Variants in ARMC2 observed in about 807,000 individuals in gnomAD.
ARMC2 encodes armadillo repeat-containing protein 2.
ARMC2 carries 67 observed loss-of-function variants against 90.3 expected under a neutral mutation model. The observed-to-expected ratio is 0.74, with a 90% CI of 0.61 to 0.91. The LOEUF (loss-of-function observed/expected upper bound fraction) is 0.91, where lower values mean the gene tolerates loss of function less well. ARMC2 is among the 40% of genes least tolerant of loss of function. ARMC2 has a pLI of 0.00. For synonymous variants in ARMC2, 393 were observed against 393.0 expected (o/e 1.00, Z 0.00); for missense variants, 920 against 1,030.9 (o/e 0.89, Z 1.47).
the ARMC2 span, among the ~76,000 whole-genome samples, chr6:109,043,374 A>G: frequency 2.0e-5 from 3 of 152,146 alleles, no homozygotes; most frequent in African/African-American, 7.2e-5. Flanking sequence ...TAAAAGCCAT[A>G]CAGATAAAAA....
chr6:108,924,528 G>C (rs1774928545), intron 10 of ARMC2, among the ~76,000 whole-genome samples: 2 of 152,128 alleles, frequency 1.3e-5, no homozygotes, highest in Admixed American at 1.3e-4. Flanking sequence ...TGGCCCGGGG[G>C]AGAAGGGGTG....
At chr6:108,862,601 T>C (rs1234379603) in intron 3 of ARMC2, among the ~76,000 whole-genome samples, 1 of 152,110 alleles carries the variant, frequency 6.6e-6, no homozygotes, top group Non-Finnish European at 1.5e-5. Context: ...TTCATTTTTT[T>C]AAAGAACTCT....
At chr6:108,867,339 T>G (rs1775918671) in intron 3 of ARMC2, among the ~76,000 whole-genome samples, 1 of 151,832 alleles carries the variant, frequency 6.6e-6, no homozygotes, top group African/African-American at 2.4e-5. Flanking sequence ...GGTGCAGGTG[T>G]TTTTTTTAAA....
At chr6:108,991,085 A>AAC in the ARMC2 span, among the ~76,000 whole-genome samples, 16 of 149,364 alleles carry the variant, frequency 1.1e-4, no homozygotes, top group African/African-American at 3.6e-4. Flanking sequence ...ACAACAACAA[A>AAC]AAAAAACTAA....
the ARMC2 span, among the ~76,000 whole-genome samples, chr6:108,991,011 A>G: frequency 2.0e-5 from 3 of 151,984 alleles, no homozygotes; most frequent in Admixed American, 6.6e-5. Flanking sequence ...ATACTGCAAC[A>G]TGCAAAAGGT....
At chr6:108,872,880 A>G (rs761102351) in intron 4 of ARMC2, among the ~76,000 whole-genome samples, 8 of 152,216 alleles carry the variant, frequency 5.3e-5, no homozygotes, top group Non-Finnish European at 1.0e-4. Context: ...CAAATAGGTC[A>G]GGGAAACACT....
the ARMC2 span, chr6:108,994,585 C>T: frequency 6.2e-7 from 1 of 1,609,452 alleles, no homozygotes; most frequent in Middle Eastern, 1.7e-4. Flanking sequence ...ATGAGGGCTT[C>T]AACCTCAAAG....
chr6:108,938,599 C>CTTTTTTTTTTTT (rs4027582), intron 12 of ARMC2, among the ~76,000 whole-genome samples: 23 of 83,104 alleles, frequency 2.8e-4, no homozygotes, highest in African/African-American at 3.6e-4. Flanking sequence ...CCATTACTAC[C>CTTTTTTTTTTTT]TTTTTTTTTT....
the ARMC2 span, among the ~76,000 whole-genome samples, chr6:109,038,785 T>C: frequency 1.3e-5 from 2 of 152,058 alleles, no homozygotes; most frequent in South Asian, 2.1e-4. Context: ...AACTCCATTG[T>C]AGGGATCAGC....
intron 10 of ARMC2, among the ~76,000 whole-genome samples, chr6:108,914,183 T>C (rs1303884723): frequency 6.6e-6 from 1 of 152,166 alleles, no homozygotes; most frequent in Non-Finnish European, 1.5e-5. Flanking sequence ...TGTGTGTATG[T>C]GTGTGCACCC....
chr6:108,857,149 C>T (rs1261482951), intron 2 of ARMC2, among the ~76,000 whole-genome samples: 1 of 152,136 alleles, frequency 6.6e-6, no homozygotes, highest in Non-Finnish European at 1.5e-5. Flanking sequence ...ATCTATAGAT[C>T]AAGTTGGGAA....
At chr6:108,872,459 C>T (rs182089431) in intron 4 of ARMC2, among the ~76,000 whole-genome samples, 164 of 152,310 alleles carry the variant, frequency 1.1e-3, no homozygotes, top group African/African-American at 3.7e-3. Flanking sequence ...CCCTCACCAC[C>T]GCCATGCTGC....
At position 108,910,999 on chromosome 6, in the gene ARMC2, T is replaced by A; in HGVS notation, c.1124T>A (p.Leu375Gln). Residue 375 changes from leucine (L) to glutamine (Q), a missense_variant and splice_region_variant, in exon 9 of 18, where the codon CTG (leucine) becomes CAG (glutamine). Coordinates refer to ENST00000392644, the MANE Select transcript of ARMC2 (RefSeq NM_032131.6). Reference sequence around the variant, plus strand: ...TCTTTGATTCAAAATGACAGCATTCTGGGTGAGTGTCATTCAGTGCTACTA... The same window carrying A: ...TCTTTGATTCAAAATGACAGCATTCAGGGTGAGTGTCATTCAGTGCTACTA... ...NDSLIQNDSI[L>Q]ESLLEVLRSE... The A allele has an allele frequency of 6.4e-7, 1 of 1,559,954 alleles. No homozygotes were observed. The highest frequency in any genetic ancestry group is 8.7e-7 in the Non-Finnish European group (1 of 1,146,310).
chr6:108,875,287 T>C (rs970555564), intron 4 of ARMC2, among the ~76,000 whole-genome samples: 18 of 152,206 alleles, frequency 1.2e-4, no homozygotes, highest in African/African-American at 4.3e-4. Context: ...TATGTTTCAA[T>C]GCCCTCTCCT....
At chr6:108,914,816 T>C (rs958865415) in intron 10 of ARMC2, among the ~76,000 whole-genome samples, 1 of 152,192 alleles carries the variant, frequency 6.6e-6, no homozygotes, top group Non-Finnish European at 1.5e-5. Flanking sequence ...AAGCCTCTGC[T>C]TTTGTGAATG....
intron 5 of ARMC2, chr6:108,880,191 A>G (rs992666056): frequency 1.5e-5 from 5 of 339,598 alleles, no homozygotes; most frequent in Admixed American, 8.6e-5. Context: ...TATAGGCTTG[A>G]TTTTTGTTGG....
At chr6:109,016,226 A>G in the ARMC2 span, among the ~76,000 whole-genome samples, 2 of 152,336 alleles carry the variant, frequency 1.3e-5, no homozygotes, top group East Asian at 3.9e-4. Flanking sequence ...AAACAAACCA[A>G]TGACAATATT....
the ARMC2 span, among the ~76,000 whole-genome samples, chr6:109,041,925 C>T: frequency 2.0e-5 from 3 of 151,856 alleles, no homozygotes; most frequent in African/African-American, 4.8e-5. Flanking sequence ...GGAATATATA[C>T]CAAAACAGAA....
chr6:109,033,709 T>C, the ARMC2 span, among the ~76,000 whole-genome samples: 1 of 152,168 alleles, frequency 6.6e-6, no homozygotes, highest in Non-Finnish European at 1.5e-5. Flanking sequence ...CAAAATTTGA[T>C]AATATGAAAA....
Sources: allele counts gnomAD v4.1 joint callset (sites outside exome capture counted in the v4.1 genomes callset), GRCh38; gene constraint gnomAD v4.1.1; transcripts MANE v1.5; gene names NCBI Gene and HGNC (gene_info 2026-07-23, HGNC 2026-07-21).